Variants in FGF12 observed in about 807,000 individuals in gnomAD.
The protein encoded by FGF12 is fibroblast growth factor 12B.
A neutral mutation model predicts 23.6 loss-of-function variants in FGF12; 14 were observed. The ratio of observed to expected loss-of-function variants is 0.59; its 90% CI spans 0.39 to 0.93. The LOEUF (loss-of-function observed/expected upper bound fraction) is 0.93, where lower values mean the gene tolerates loss of function less well. Ranked by LOEUF, FGF12 falls within the 40% of genes least tolerant of loss-of-function variation. The probability of loss-of-function intolerance (pLI) is 0.00; values close to 1 mark genes in which losing one functional copy is unlikely to be tolerated. For missense variants in FGF12, 175 were observed against 217.8 expected, an observed-to-expected ratio of 0.80 and a Z score of 1.24; for synonymous variants, 62 against 77.3, an observed-to-expected ratio of 0.80 and a Z score of 1.04.
intron 3 of FGF12, among the ~76,000 whole-genome samples, chr3:192,338,857 T>A (rs999798413): frequency 3.3e-5 from 5 of 152,196 alleles, no homozygotes; most frequent in Admixed American, 3.3e-4. Flanking sequence ...TACTTCATTT[T>A]AAATAAAAGC....
chr3:192,697,027 CTTT>C (rs1251105241), intron 2 of FGF12, among the ~76,000 whole-genome samples: 2 of 152,026 alleles, frequency 1.3e-5, no homozygotes, highest in Non-Finnish European at 2.9e-5. Flanking sequence ...ATCTGAACTT[CTTT>C]TTAAGGGCTT....
At chr3:192,439,852 C>T (rs1224733402) in intron 2 of FGF12, among the ~76,000 whole-genome samples, 2 of 151,878 alleles carry the variant, frequency 1.3e-5, no homozygotes, top group African/African-American at 2.4e-5. Context: ...TGGTGGGCGC[C>T]TGTAATCCCA....
intron 2 of FGF12, among the ~76,000 whole-genome samples, chr3:192,614,337 A>T (rs1024312310): frequency 6.6e-6 from 1 of 151,948 alleles, no homozygotes; most frequent in South Asian, 2.1e-4. Flanking sequence ...TCTAGACGAA[A>T]GTGAAGAGAA....
At chr3:192,257,567 C>T (rs67975529) in intron 4 of FGF12, among the ~76,000 whole-genome samples, 8,036 of 152,160 alleles carry the variant, frequency 0.053, 257 homozygotes, top group South Asian at 0.08. Context: ...TTTTAACTTC[C>T]ACTTATGGTG....
intron 2 of FGF12, among the ~76,000 whole-genome samples, chr3:192,664,320 C>G (rs1416279584): frequency 6.6e-6 from 1 of 152,072 alleles, no homozygotes; most frequent in Non-Finnish European, 1.5e-5. Flanking sequence ...TTAAATGAGC[C>G]ACAGACATGC....
At chr3:192,708,489 T>A (rs1718562519) in intron 2 of FGF12, among the ~76,000 whole-genome samples, 1 of 152,226 alleles carries the variant, frequency 6.6e-6, no homozygotes, top group Admixed American at 6.5e-5. Context: ...TACCTTCTAT[T>A]GTATACTTAA....
chr3:192,149,053 C>G (rs1323538097), intron 5 of FGF12, among the ~76,000 whole-genome samples: 1 of 152,148 alleles, frequency 6.6e-6, no homozygotes, highest in African/African-American at 2.4e-5. Context: ...AAAATTTAAA[C>G]CGTGAACATC....
rs543098216 is a variant in FGF12, at chr3:192,263,596, C to G, written c.228+71765G>C. On this transcript the variant is annotated intron_variant, in intron 4 of 5. Coordinates refer to ENST00000445105, the MANE Select transcript of FGF12 (RefSeq NM_004113.6). ...AGCCACACTCCAAACCAATTAAATA[C>G]GCATATGAGTCCAGGGATGAAGTTT... Among the ~76,000 whole-genome samples, 17 of 150,576 alleles carry G rather than the reference C, an allele frequency of 1.1e-4. No individual in the cohort carries two copies. The South Asian group carries it at 2.7e-3, about 24-fold the overall frequency.
At chr3:192,303,304 G>A (rs78093905) in intron 4 of FGF12, among the ~76,000 whole-genome samples, 4,280 of 152,178 alleles carry the variant, frequency 0.028, 159 homozygotes, top group South Asian at 0.17. Context: ...CAAAAACATC[G>A]ACTTGAAGGA....
At chr3:192,145,587 T>A (rs1185964583) in intron 5 of FGF12, among the ~76,000 whole-genome samples, 1 of 152,200 alleles carries the variant, frequency 6.6e-6, no homozygotes, top group Non-Finnish European at 1.5e-5. Context: ...CAGACTACAC[T>A]CTGAGTAGCA....
intron 5 of FGF12, among the ~76,000 whole-genome samples, chr3:192,158,373 T>TCTTTC (rs1714602322): frequency 8.2e-6 from 1 of 121,644 alleles, no homozygotes; most frequent in South Asian, 2.6e-4. Context: ...TTTCTTTCTT[T>TCTTTC]CTTTCTTTCT....
At chr3:192,657,397 T>C (rs1248028243) in intron 2 of FGF12, among the ~76,000 whole-genome samples, 1 of 147,304 alleles carries the variant, frequency 6.8e-6, no homozygotes, top group African/African-American at 2.5e-5. Flanking sequence ...TGGAACTGCC[T>C]CTTTTTAACT....
intron 4 of FGF12, among the ~76,000 whole-genome samples, chr3:192,226,679 A>C (rs1199311560): frequency 1.3e-5 from 2 of 152,148 alleles, no homozygotes; most frequent in African/African-American, 4.8e-5. Context: ...GAGTGGGATT[A>C]GTGTCCTTAG....
intron 4 of FGF12, among the ~76,000 whole-genome samples, chr3:192,277,683 C>G (rs1258708298): frequency 6.6e-6 from 1 of 152,184 alleles, no homozygotes; most frequent in Non-Finnish European, 1.5e-5. Context: ...GTATTCAGAG[C>G]ACGGAAGTCC....
chr3:192,583,697 T>A lies in FGF12; in HGVS notation c.13+143484A>T, dbSNP rs1713256272. Among the ~76,000 whole-genome samples the A allele has an allele frequency of 3.3e-5, 5 of 152,216 alleles. 1 individual carries two copies. In the South Asian group the frequency reaches 1.0e-3, roughly 32 times the overall value. On this transcript the variant is annotated intron_variant, in intron 2 of 5. Transcript: ENST00000445105. ...CTTGACATCTGACCTGTTTCCTTGGTGCTTCCACACTCAGACAGGTGTCTA... is the reference window on the plus strand; with the variant it reads ...CTTGACATCTGACCTGTTTCCTTGGAGCTTCCACACTCAGACAGGTGTCTA...
At chr3:192,696,805 G>A (rs1471693588) in intron 2 of FGF12, among the ~76,000 whole-genome samples, 2 of 151,954 alleles carry the variant, frequency 1.3e-5, no homozygotes, top group South Asian at 4.2e-4. Flanking sequence ...CAAGATTCGG[G>A]TGATACAGAT....
At chr3:192,379,829 C>T (rs1719740759) in intron 2 of FGF12, among the ~76,000 whole-genome samples, 1 of 152,236 alleles carries the variant, frequency 6.6e-6, no homozygotes, top group Non-Finnish European at 1.5e-5. Context: ...TTGCCATTCA[C>T]TCCATTACTC....
intron 4 of FGF12, among the ~76,000 whole-genome samples, chr3:192,316,991 C>T (rs747580007): frequency 8.6e-5 from 13 of 152,028 alleles, no homozygotes; most frequent in Admixed American, 6.6e-4. Context: ...CACCCTGGGC[C>T]AGAAAGGAAC....
intron 2 of FGF12, among the ~76,000 whole-genome samples, chr3:192,618,705 T>C (rs1714857040): frequency 6.6e-6 from 1 of 152,046 alleles, no homozygotes; most frequent in South Asian, 2.1e-4. Flanking sequence ...AGAAAGGTAA[T>C]AACGCTGTTC....
Sources: allele counts gnomAD v4.1 joint callset (sites outside exome capture counted in the v4.1 genomes callset), GRCh38; gene constraint gnomAD v4.1.1; transcripts MANE v1.5; gene names NCBI Gene and HGNC (gene_info 2026-07-23, HGNC 2026-07-21).